GALNTL6: variants seen among roughly 807,000 people sequenced by gnomAD.
The protein encoded by GALNTL6 is polypeptide N-acetylgalactosaminyltransferase-like 6.
Under a neutral mutation model 73.7 loss-of-function variants are expected in GALNTL6, and 46 were observed. The observed-to-expected ratio is 0.62, with a 90% CI of 0.49 to 0.80. GALNTL6 has a LOEUF of 0.80. GALNTL6 is among the 30% of genes least tolerant of loss of function. The pLI is 0.00. For synonymous variants in GALNTL6, 259 were observed against 263.7 expected, an observed-to-expected ratio of 0.98 and a Z score of 0.17; for missense variants, 604 against 755.0, an observed-to-expected ratio of 0.80 and a Z score of 2.34.
chr4:172,298,208 C>G (rs1206249000), intron 3 of GALNTL6, among the ~76,000 whole-genome samples: 1 of 152,116 alleles, frequency 6.6e-6, no homozygotes, highest in Admixed American at 6.5e-5. Context: ...GATTTTGTAT[C>G]CTGAGACTTT....
At chr4:172,562,972 G>A (rs1736429199) in intron 5 of GALNTL6, among the ~76,000 whole-genome samples, 1 of 152,150 alleles carries the variant, frequency 6.6e-6, no homozygotes, top group South Asian at 2.1e-4. Context: ...TCCATTTTGT[G>A]CTCCCATTGC....
rs192123377 is a variant in GALNTL6, at chr4:172,950,174, A to C, written c.1150-1863A>C. Among the ~76,000 whole-genome samples, 10 of 152,274 alleles carry C rather than the reference A, an allele frequency of 6.6e-5. No homozygotes were observed. In the East Asian group the frequency reaches 1.9e-3, roughly 29 times the overall value. On this transcript the variant is annotated intron_variant, in intron 9 of 12. Transcript: ENST00000506823. ...AATCAGGCAATTCCGAATTGGTGGC[A>C]AGGGCTAGAATATTACAAAACCATG...
chr4:172,874,080 A>C lies in GALNTL6; in HGVS notation c.924-8710A>C, dbSNP rs528543626. ...CAGTTTCAAGCATGCTTGGATTTTA[A>C]TAACAAGCATTTATTTATCCCATGA... On this transcript the variant is annotated intron_variant, in intron 7 of 12. Coordinates refer to ENST00000506823, the MANE Select transcript of GALNTL6 (RefSeq NM_001034845.3). 2.0e-5 allele frequency among the ~76,000 whole-genome samples: 3 copies of C among 152,370 alleles called. No individual in the cohort carries two copies. In the South Asian group the frequency reaches 6.2e-4, roughly 32 times the overall value.
chr4:172,689,123 A>G (rs1467058591), intron 5 of GALNTL6, among the ~76,000 whole-genome samples: 3 of 152,006 alleles, frequency 2.0e-5, no homozygotes, highest in African/African-American at 7.2e-5. Flanking sequence ...ATATATCCCC[A>G]CCCCTGACAC....
chr4:172,071,677 A>G lies in GALNTL6; in HGVS notation c.139-157979A>G, dbSNP rs1458483628. Among the ~76,000 whole-genome samples, 4 of 65,514 alleles carry G rather than the reference A, an allele frequency of 6.1e-5. 1 individual carries two copies. Among genetic ancestry groups the G allele is most frequent in the Non-Finnish European group, 3.5e-5 (1 of 28,684 alleles). 43.0% of individuals were successfully genotyped at this position (65,514 alleles called of 152,430 possible). On this transcript the variant is annotated intron_variant, in intron 2 of 12. Transcript: ENST00000506823. ...TATATAAATAAATTCAATTAGGAAA[A>G]AGGAAAAGCTATTTATTCAGAGCTT...
chr4:171,890,440 A>C, intron 2 of GALNTL6, among the ~76,000 whole-genome samples: 1 of 152,242 alleles, frequency 6.6e-6, no homozygotes, highest in Non-Finnish European at 1.5e-5. Context: ...CTAAAGCTTT[A>C]TGTAAATGAC....
rs1734473638 is a variant in GALNTL6, at chr4:172,512,872, A to G, written c.553+164183A>G. 2.0e-5 allele frequency among the ~76,000 whole-genome samples: 3 copies of G among 151,994 alleles called. No individual in the cohort carries two copies. The South Asian group carries it at 6.2e-4, about 32-fold the overall frequency. On this transcript the variant is annotated intron_variant, in intron 5 of 12. Transcript: ENST00000506823. Reference sequence around the variant, plus strand: ...TGATGCTTTTGCCTCACAGCTGTTAAGATTCTTTCATTCTTTCTTTCATCT... The same window carrying G: ...TGATGCTTTTGCCTCACAGCTGTTAGGATTCTTTCATTCTTTCTTTCATCT...
chr4:172,404,168 C>T (rs974992475), intron 5 of GALNTL6, among the ~76,000 whole-genome samples: 2 of 151,698 alleles, frequency 1.3e-5, no homozygotes, highest in African/African-American at 2.4e-5. Flanking sequence ...AATAAGGTTG[C>T]CAGATGAAAT....
chr4:172,464,684 G>A (rs1732742638), intron 5 of GALNTL6, among the ~76,000 whole-genome samples: 1 of 151,796 alleles, frequency 6.6e-6, no homozygotes, highest in Non-Finnish European at 1.5e-5. Flanking sequence ...TCCAGCCTGG[G>A]TGAGACAGAG....
At chr4:172,488,647 C>G (rs909718062) in intron 5 of GALNTL6, among the ~76,000 whole-genome samples, 3 of 152,140 alleles carry the variant, frequency 2.0e-5, no homozygotes, top group African/African-American at 7.2e-5. Context: ...GTATCACTTT[C>G]TTGTATTCTA....
chr4:172,050,045 G>T (rs1181463134), intron 2 of GALNTL6, among the ~76,000 whole-genome samples: 1 of 151,984 alleles, frequency 6.6e-6, no homozygotes, highest in Non-Finnish European at 1.5e-5. Flanking sequence ...TAAATTCTCA[G>T]TCAAATATAG....
At chr4:171,946,829 C>T (rs1307209660) in intron 2 of GALNTL6, among the ~76,000 whole-genome samples, 3 of 151,392 alleles carry the variant, frequency 2.0e-5, no homozygotes, top group Admixed American at 1.3e-4. Context: ...AGAGAGGGGC[C>T]AGAAGAGAAG....
chr4:172,755,715 T>C lies in GALNTL6; in HGVS notation c.554-53646T>C, dbSNP rs112720259. Among the ~76,000 whole-genome samples, 655 of 152,360 alleles carry C rather than the reference T, an allele frequency of 4.3e-3. 4 individuals are homozygous for C. Among genetic ancestry groups the C allele is most frequent in the Non-Finnish European group, 6.7e-3 (458 of 68,026 alleles). On this transcript the variant is annotated intron_variant, in intron 5 of 12. Transcript: ENST00000506823. The stretch of plus-strand genomic sequence containing the variant: ...AAGCATTGTATATTTTCAGTCAAAT[T>C]TTGCAGGCTTTGGGAGATTGCACTA...
chr4:172,374,581 C>T (rs937054268), intron 5 of GALNTL6, among the ~76,000 whole-genome samples: 1 of 152,152 alleles, frequency 6.6e-6, no homozygotes, highest in African/African-American at 2.4e-5. Context: ...TGGGCTTTTT[C>T]CTAATTCTCC....
chr4:172,627,314 G>A (rs886278028), intron 5 of GALNTL6, among the ~76,000 whole-genome samples: 11 of 151,928 alleles, frequency 7.2e-5, no homozygotes, highest in African/African-American at 1.9e-4. Flanking sequence ...TGCATTTGTC[G>A]AACCAACCCA....
At chr4:172,369,770 A>G (rs556992534) in intron 5 of GALNTL6, among the ~76,000 whole-genome samples, 4 of 152,178 alleles carry the variant, frequency 2.6e-5, no homozygotes, top group East Asian at 3.9e-4. Flanking sequence ...CTGAGTGCAG[A>G]TCCCACCGAG....
At chr4:172,044,403 G>T (rs1238177540) in intron 2 of GALNTL6, among the ~76,000 whole-genome samples, 5 of 151,530 alleles carry the variant, frequency 3.3e-5, no homozygotes, top group South Asian at 2.1e-4. Flanking sequence ...TTATATTTTT[G>T]GTGTTATATT....
At chr4:172,788,671 CA>C (rs36046571) in intron 5 of GALNTL6, among the ~76,000 whole-genome samples, 5,007 of 78,296 alleles carry the variant, frequency 0.064, 97 homozygotes, top group African/African-American at 0.15. Flanking sequence ...GACTCCGTCT[CA>C]AAAAAAAAAA....
At chr4:171,862,167 C>A (rs576607230) in intron 2 of GALNTL6, among the ~76,000 whole-genome samples, 22 of 152,104 alleles carry the variant, frequency 1.4e-4, no homozygotes, top group African/African-American at 5.3e-4. Context: ...ATGTAACAGG[C>A]AGAGGTCTTC....
Sources: gnomAD v4.1 joint callset for allele counts (sites outside exome capture counted in the v4.1 genomes callset) on GRCh38, gnomAD v4.1.1 for gene constraint, MANE v1.5 for transcripts, NCBI Gene and HGNC (gene_info 2026-07-23, HGNC 2026-07-21) for gene names.